The following COL24A1 variants were observed in gnomAD, a reference collection of about 807,000 sequenced individuals.
COL24A1 encodes collagen alpha-1(XXIV) chain.
In COL24A1, 224 loss-of-function variants were observed where a neutral mutation model predicts 253.9. That is an observed-to-expected ratio of 0.88 (90% CI 0.79 to 0.99). The LOEUF is 0.99. COL24A1 is among the 50% of genes least tolerant of loss of function. The pLI, the probability that COL24A1 is intolerant of heterozygous loss-of-function variation, is 0.00. For missense variants in COL24A1, 2,131 were observed against 2,068.5 expected (o/e 1.03, Z -0.59); for synonymous variants, 685 against 673.7 (o/e 1.02, Z -0.26).
intron 7 of COL24A1, among the ~76,000 whole-genome samples, chr1:86,082,676 T>C (rs1702739372): frequency 6.7e-6 from 1 of 148,154 alleles, no homozygotes; most frequent in Admixed American, 6.8e-5. Context: ...ATAATTTATA[T>C]ATTTACATAA....
chr1:85,946,373 C>T (rs1351325008), intron 24 of COL24A1, among the ~76,000 whole-genome samples: 1 of 152,044 alleles, frequency 6.6e-6, no homozygotes, highest in East Asian at 1.9e-4. Context: ...TGTAATGAAT[C>T]TTACTCATGG....
intron 35 of COL24A1, among the ~76,000 whole-genome samples, chr1:85,870,065 G>A (rs1372814537): frequency 6.6e-6 from 1 of 152,046 alleles, no homozygotes; most frequent in Non-Finnish European, 1.5e-5. Flanking sequence ...CTGATAAAAA[G>A]ACTTTAAACC....
intron 7 of COL24A1, among the ~76,000 whole-genome samples, chr1:86,088,132 C>T (rs146341347): frequency 6.6e-6 from 1 of 152,324 alleles, no homozygotes; most frequent in East Asian, 1.9e-4. Context: ...TTCTCCCAAA[C>T]TCCCTATGAA....
intron 55 of COL24A1, 122 bp from the exon 56 acceptor site, chr1:85,745,628 T>C (rs900382997): frequency 3.2e-6 from 2 of 631,424 alleles, no homozygotes; most frequent in African/African-American, 3.8e-5. Flanking sequence ...CTGAAGGGGT[T>C]CTGTAACTCT....
intron 5 of COL24A1, among the ~76,000 whole-genome samples, chr1:86,109,874 T>A (rs1705367507): frequency 1.3e-5 from 2 of 152,332 alleles, no homozygotes; most frequent in Non-Finnish European, 2.9e-5. Flanking sequence ...TAAATGGGAT[T>A]AGTGCCCTTA....
At chr1:85,955,112 C>A (rs908599800) in intron 24 of COL24A1, among the ~76,000 whole-genome samples, 1 of 152,184 alleles carries the variant, frequency 6.6e-6, no homozygotes, top group Admixed American at 6.5e-5. Flanking sequence ...GACACAGACA[C>A]AAATGGGTGG....
intron 7 of COL24A1, among the ~76,000 whole-genome samples, chr1:86,081,893 G>T (rs922405754): frequency 2.0e-5 from 3 of 152,114 alleles, no homozygotes; most frequent in Admixed American, 6.5e-5. Flanking sequence ...ATAATGTTGA[G>T]AATTATTCTC....
intron 47 of COL24A1, among the ~76,000 whole-genome samples, chr1:85,793,173 T>C (rs1375869345): frequency 6.6e-6 from 1 of 152,176 alleles, no homozygotes; most frequent in Non-Finnish European, 1.5e-5. Flanking sequence ...TTAAAAATTA[T>C]CCTTTCTAAG....
At chr1:85,740,890 A>C (rs1664542399) in intron 57 of COL24A1, among the ~76,000 whole-genome samples, 1 of 147,208 alleles carries the variant, frequency 6.8e-6, no homozygotes, top group South Asian at 2.1e-4. Flanking sequence ...CGGGCAGATC[A>C]CGAGGTCAGC....
intron 19 of COL24A1, among the ~76,000 whole-genome samples, chr1:86,005,385 C>T (rs564805181): frequency 6.6e-6 from 1 of 151,448 alleles, no homozygotes; most frequent in East Asian, 1.9e-4. Flanking sequence ...AAAAAAAAGT[C>T]TCTGATCACC....
chr1:86,092,167 T>A, intron 6 of COL24A1, 100 bp downstream of exon 6: 1 of 841,822 alleles, frequency 1.2e-6, no homozygotes, highest in Non-Finnish European at 1.8e-6. Flanking sequence ...CATGTTTTTT[T>A]CCTGTCTGAT....
At chr1:85,737,334 A>C in intron 58 of COL24A1, 62 bp downstream of exon 58, 1 of 910,452 alleles carries the variant, frequency 1.1e-6, no homozygotes, top group Admixed American at 2.8e-5. Context: ...AGAATTTTAA[A>C]CATAATTTTT....
chr1:85,767,430 C>G (rs1667495503), intron 53 of COL24A1, among the ~76,000 whole-genome samples: 1 of 151,972 alleles, frequency 6.6e-6, no homozygotes, highest in Non-Finnish European at 1.5e-5. Flanking sequence ...CCAAGCTTTT[C>G]CATAAAACAA....
chr1:85,827,588 T>C (rs554667786), intron 43 of COL24A1, among the ~76,000 whole-genome samples: 1 of 152,176 alleles, frequency 6.6e-6, no homozygotes, highest in East Asian at 1.9e-4. Flanking sequence ...CTATTGATTA[T>C]TGCCACAATT....
chr1:85,786,381 T>C lies in COL24A1; in HGVS notation c.4032A>G (p.Pro1344=). The C allele has an allele frequency of 1.2e-6, 2 of 1,613,866 alleles. No individual in the cohort carries two copies. Among genetic ancestry groups the C allele is most frequent in the Non-Finnish European group, 1.7e-6 (2 of 1,179,830 alleles). ...TTGGGCCTTGAATTCCTGGGCTTCC[T>C]GGCAAGCCTGATGAACCCTTTACTC... The part of the protein sequence containing the change: ...PPGVKGSSGL[P]GSPGIQGPKG... The change falls in exon 48 of 60, where the codon CCA becomes CCG. Residue 1344 remains proline, a synonymous_variant. Coordinates refer to ENST00000370571, the MANE Select transcript of COL24A1 (RefSeq NM_152890.7).
Position 86,115,379 on chromosome 1 carries a change from C to G in COL24A1, c.1492-1G>C, listed in dbSNP as rs764941660. Reference sequence around the variant, plus strand: ...GGATACCTGCTGGACCAGGTGGACCCTTGGAAAACAAATGTCAAGACATTA... The same window carrying G: ...GGATACCTGCTGGACCAGGTGGACCGTTGGAAAACAAATGTCAAGACATTA... On this transcript the variant is annotated splice_acceptor_variant, in intron 3 of 59. Transcript: ENST00000370571. LOFTEE classifies it high-confidence loss of function. 6.2e-7 allele frequency: 1 copy of G among 1,613,784 alleles called. No individual in the cohort carries two copies.
At chr1:85,920,640 G>A (rs1374912865) in intron 24 of COL24A1, among the ~76,000 whole-genome samples, 1 of 151,746 alleles carries the variant, frequency 6.6e-6, no homozygotes, top group African/African-American at 2.4e-5. Flanking sequence ...ATAGAAAATA[G>A]GACAAACAAA....
chr1:86,080,674 G>A (rs1019227837), intron 7 of COL24A1, among the ~76,000 whole-genome samples: 4 of 151,888 alleles, frequency 2.6e-5, no homozygotes, highest in Non-Finnish European at 5.9e-5. Context: ...TAATAAATAT[G>A]TTAACAAAAA....
intron 52 of COL24A1, 118 bp downstream of exon 52, chr1:85,781,102 G>T: frequency 1.4e-6 from 1 of 699,798 alleles, no homozygotes. Context: ...AGAAGAAAAT[G>T]TATATCTATT....
Sources: allele counts gnomAD v4.1 joint callset (sites outside exome capture counted in the v4.1 genomes callset), GRCh38; gene constraint gnomAD v4.1.1; transcripts MANE v1.5; gene names NCBI Gene and HGNC (gene_info 2026-07-23, HGNC 2026-07-21).